The following PDCD6IP variants were observed in gnomAD, a reference collection of about 807,000 sequenced individuals.
PDCD6IP encodes the protein programmed cell death 6 interacting protein, also known as programmed cell death 6-interacting protein.
A neutral mutation model predicts 103.7 loss-of-function variants in PDCD6IP; 43 were observed. That is an observed-to-expected ratio of 0.41 (90% CI 0.32 to 0.53). The LOEUF (loss-of-function observed/expected upper bound fraction) is 0.53. Ranked by LOEUF, PDCD6IP falls within the 20% of genes least tolerant of loss-of-function variation. The pLI, the probability that PDCD6IP is intolerant of heterozygous loss-of-function variation, is 0.16. For synonymous variants in PDCD6IP, 354 were observed against 378.7 expected (o/e 0.93, Z 0.76); for missense variants, 871 against 1,036.7 (o/e 0.84, Z 2.20).
At chr3:33,808,897 A>G (rs1444557124) in intron 1 of PDCD6IP, among the ~76,000 whole-genome samples, 1 of 152,162 alleles carries the variant, frequency 6.6e-6, no homozygotes, top group African/African-American at 2.4e-5. Context: ...CTATGATCAT[A>G]TTGGTCTCCT....
At position 33,866,463 on chromosome 3, in the gene PDCD6IP, C is replaced by G; in HGVS notation, c.2545C>G (p.Pro849Ala). ...QSPGQAPYPG[P>A]QQPSYPFPQP... ...TCCTGGACAGGCTCCATACCCGGGACCCCAGCAGCCTTCATACCCCTTCCC... is the reference window on the plus strand; with the variant it reads ...TCCTGGACAGGCTCCATACCCGGGAGCCCAGCAGCCTTCATACCCCTTCCC... The change falls in exon 18 of 18, where the codon CCC (proline) becomes GCC (alanine). Residue 849 changes from proline to alanine, a missense_variant. Around this residue, in one of 5 missense-constraint regions of PDCD6IP, gnomAD observed 202 missense variants for 205.2 expected, o/e 0.98. Transcript: ENST00000307296. 1 of 1,612,150 alleles carries G rather than the reference C, an allele frequency of 6.2e-7. No homozygotes were observed. The highest frequency in any genetic ancestry group is 8.5e-7 in the Non-Finnish European group (1 of 1,179,320).
intron 3 of PDCD6IP, among the ~76,000 whole-genome samples, chr3:33,816,377 G>A (rs921655215): frequency 4.0e-5 from 6 of 151,702 alleles, no homozygotes; most frequent in South Asian, 2.1e-4. Flanking sequence ...AGTGGCGCAC[G>A]CCTTGTAATC....
chr3:33,800,624 A>T (rs1696456332), intron 1 of PDCD6IP, among the ~76,000 whole-genome samples: 1 of 152,142 alleles, frequency 6.6e-6, no homozygotes, highest in African/African-American at 2.4e-5. Context: ...CATTTTTTTT[A>T]AAGTTAACCT....
rs1697775469 is a variant in PDCD6IP at position 33,853,977 on chromosome 3, T to G, written c.1989T>G (p.Phe663Leu). ...LKNLATAYDN[F>L]VELVANLKEG... The stretch of plus-strand genomic sequence containing the variant: ...ATTTAGCTACTGCATATGACAACTT[T>G]GTTGAACTTGTAGCTAATTTGAAGG... Residue 663 changes from phenylalanine (F) to leucine (L), a missense_variant, in exon 14 of 18, where the codon TTT becomes TTG. Coordinates refer to ENST00000307296, the MANE Select transcript of PDCD6IP (RefSeq NM_013374.6). The G allele has an allele frequency of 6.3e-7, 1 of 1,585,498 alleles. No homozygotes were observed. The highest frequency in any genetic ancestry group is 2.3e-5 in the East Asian group (1 of 42,968).
At position 33,833,849 on chromosome 3, in the gene PDCD6IP, A is replaced by G. The variant is rs1697290868; in HGVS notation, c.835-2195A>G. 1.3e-5 allele frequency among the ~76,000 whole-genome samples: 2 copies of G among 152,130 alleles called. 1 individual carries two copies. Among genetic ancestry groups the G allele is most frequent in the South Asian group, 4.1e-4 (2 of 4,830 alleles). ...TTGATTTTGCTGGGGGTTCCTGTGC[A>G]GGGAAATGGGCAGGGGTTAGCTTTA... is the stretch of plus-strand genomic sequence containing the variant. On this transcript the variant is annotated intron_variant, in intron 7 of 17. Transcript: ENST00000307296.
chr3:33,857,205 G>T (rs912040870), intron 15 of PDCD6IP, among the ~76,000 whole-genome samples: 7 of 151,934 alleles, frequency 4.6e-5, no homozygotes, highest in African/African-American at 1.5e-4. Flanking sequence ...TTTTTAGATG[G>T]AGTTTTGCTC....
Position 33,833,209 on chromosome 3 carries a change from AATTAAT to A in PDCD6IP, c.835-2822_835-2817del, listed in dbSNP as rs1471370322. On this transcript the variant is annotated intron_variant, in intron 7 of 17. Coordinates refer to ENST00000307296, the MANE Select transcript of PDCD6IP (RefSeq NM_013374.6). ...ATGGGTCATTATCCCAATCTAGCAA[AATTAAT>A]ATTAATATTAATTAGTAGTTAATAG... Among the ~76,000 whole-genome samples, 4 of 152,116 alleles carry A rather than the reference AATTAAT, an allele frequency of 2.6e-5. No individual in the cohort carries two copies. The South Asian group carries it at 6.2e-4, about 24-fold the overall frequency.
chr3:33,835,893 C>T (rs1697335616), intron 7 of PDCD6IP, 151 bp from the exon 8 acceptor site: 2 of 590,368 alleles, frequency 3.4e-6, no homozygotes, highest in Admixed American at 3.0e-5. Flanking sequence ...CGGAGAATTT[C>T]CAGGTAACCC....
At position 33,811,884 on chromosome 3, in the gene PDCD6IP, T is replaced by C. The variant is rs182550859; in HGVS notation, c.210-188T>C. ...TTTCTGTGGTGGTGGGTATGACTTT[T>C]TGTTCATAGTTTTTCACTGCATATA... On this transcript the variant is annotated intron_variant, in intron 1 of 17. Coordinates refer to ENST00000307296, the MANE Select transcript of PDCD6IP (RefSeq NM_013374.6). 9.8e-5 allele frequency among the ~76,000 whole-genome samples: 15 copies of C among 152,376 alleles called. No homozygotes were observed. The South Asian group carries it at 2.1e-3, about 21-fold the overall frequency.
intron 3 of PDCD6IP, among the ~76,000 whole-genome samples, chr3:33,814,809 T>C (rs971562799): frequency 7.0e-6 from 1 of 142,212 alleles, no homozygotes; most frequent in African/African-American, 2.5e-5. Context: ...TTTATGTGTA[T>C]GTATAGTATA....
chr3:33,864,232 C>T, intron 16 of PDCD6IP, 103 bp downstream of exon 16: 1 of 703,682 alleles, frequency 1.4e-6, no homozygotes, highest in Non-Finnish European at 2.4e-6. Flanking sequence ...CTAGTGGTTA[C>T]CACCTGCATC....
intron 8 of PDCD6IP, 48 bp from the exon 9 acceptor site, chr3:33,838,156 C>G (rs34744309): frequency 1.3e-6 from 2 of 1,551,282 alleles, no homozygotes; most frequent in Non-Finnish European, 1.8e-6. Flanking sequence ...TTTTACAGTT[C>G]GGGTTTTTGT....
chr3:33,810,361 G>A (rs1291192011), intron 1 of PDCD6IP, among the ~76,000 whole-genome samples: 1 of 152,104 alleles, frequency 6.6e-6, no homozygotes, highest in Non-Finnish European at 1.5e-5. Context: ...TACCTCCTGT[G>A]CCCTTTTGAC....
intron 8 of PDCD6IP, 64 bp downstream of exon 8, chr3:33,836,330 C>A (rs1032094960): frequency 2.3e-6 from 2 of 859,888 alleles, no homozygotes; most frequent in Non-Finnish European, 3.8e-6. Flanking sequence ...TTTTTCCTAG[C>A]TAAAAATCAC....
chr3:33,834,039 T>C (rs1267975157), intron 7 of PDCD6IP, among the ~76,000 whole-genome samples: 2 of 152,202 alleles, frequency 1.3e-5, no homozygotes, highest in African/African-American at 4.8e-5. Context: ...GTTTATATTT[T>C]GCTGGCATTT....
At chr3:33,860,428 G>C (rs1183975085) in intron 15 of PDCD6IP, among the ~76,000 whole-genome samples, 1 of 152,188 alleles carries the variant, frequency 6.6e-6, no homozygotes, top group Non-Finnish European at 1.5e-5. Flanking sequence ...ATACATAAGT[G>C]TGTATCTTGT....
intron 7 of PDCD6IP, among the ~76,000 whole-genome samples, chr3:33,831,753 A>G (rs1217664386): frequency 1.4e-5 from 2 of 145,242 alleles, no homozygotes; most frequent in Admixed American, 1.4e-4. Context: ...AAGCAAATAT[A>G]TACATAGACA....
At chr3:33,831,243 A>T (rs1477734093) in intron 7 of PDCD6IP, among the ~76,000 whole-genome samples, 1 of 152,088 alleles carries the variant, frequency 6.6e-6, no homozygotes, top group South Asian at 2.1e-4. Context: ...ACACACACAC[A>T]CACACACACA....
At position 33,866,444 on chromosome 3, in the gene PDCD6IP, A is replaced by C. The variant is rs1470624102; in HGVS notation, c.2526A>C (p.Gly842=). The change falls in exon 18 of 18, where the codon GGA becomes GGC. Residue 842 remains glycine (G), a synonymous_variant. Transcript: ENST00000307296. ...PYPPVYHQSP[G]QAPYPGPQQP... ...CACCAGTGTATCACCAGAGTCCTGG[A>C]CAGGCTCCATACCCGGGACCCCAGC... The C allele has an allele frequency of 1.9e-6, 3 of 1,611,908 alleles. No individual in the cohort carries two copies. The highest frequency in any genetic ancestry group is 1.7e-4 in the Middle Eastern group (1 of 6,056).
Sources: gnomAD v4.1 joint callset for allele counts (sites outside exome capture counted in the v4.1 genomes callset) on GRCh38, gnomAD v4.1.1 for gene constraint, gnomAD v4.1.1 regional missense constraint, MANE v1.5 for transcripts, NCBI Gene and HGNC (gene_info 2026-07-23, HGNC 2026-07-21) for gene names.